COL5A1: variants seen among roughly 807,000 people sequenced by gnomAD.
COL5A1 encodes the protein collagen alpha-1(V) chain.
COL5A1 carries 16 observed loss-of-function variants against 263.7 expected under a neutral mutation model. That is an observed-to-expected ratio of 0.06 (90% CI 0.04 to 0.09). The LOEUF (loss-of-function observed/expected upper bound fraction) is 0.09, where lower values mean the gene tolerates loss of function less well. Among genes scored for constraint, COL5A1 ranks in the 10% least tolerant of loss-of-function variants. COL5A1 has a pLI of 1.00. For missense variants in COL5A1, 2,036 were observed against 2,540.5 expected, an observed-to-expected ratio of 0.80 and a Z score of 4.27; for synonymous variants, 1,012 against 1,004.5, an observed-to-expected ratio of 1.01 and a Z score of -0.14.
chr9:134,688,740 G>A (rs1214911856), intron 1 of COL5A1, among the ~76,000 whole-genome samples: 1 of 152,190 alleles, frequency 6.6e-6, no homozygotes, highest in Non-Finnish European at 1.5e-5. Flanking sequence ...GCTTCTCCAT[G>A]TTTCTGGCTT....
At chr9:134,760,920 C>T (rs978633525) in intron 18 of COL5A1, among the ~76,000 whole-genome samples, 10 of 146,414 alleles carry the variant, frequency 6.8e-5, no homozygotes, top group South Asian at 6.7e-4. Flanking sequence ...CACACACACA[C>T]GTACACACAT....
chr9:134,809,161 T>C (rs773384397), intron 42 of COL5A1, 22 bp from the exon 43 acceptor site: 1 of 1,550,966 alleles, frequency 6.4e-7, no homozygotes, highest in South Asian at 1.2e-5. Context: ...ACGTTTGACC[T>C]GAGATCTTCT....
intron 2 of COL5A1, among the ~76,000 whole-genome samples, chr9:134,695,972 C>T (rs192238151): frequency 6.6e-6 from 1 of 152,186 alleles, no homozygotes. Flanking sequence ...CCTCGGTGCC[C>T]CTGGATCCTG....
rs368564203 is a variant in COL5A1, at chr9:134,703,563, C to T, written c.654+2230C>T. 9.3e-4 allele frequency among the ~76,000 whole-genome samples: 141 copies of T among 151,958 alleles called. No homozygotes were observed. The Middle Eastern group carries it at 0.024, about 26-fold the overall frequency. On this transcript the variant is annotated intron_variant, in intron 4 of 65. Coordinates refer to ENST00000371817, the MANE Select transcript of COL5A1 (RefSeq NM_000093.5). ...GGGCACCTGCCAGAGTCACCCCCACCGCTGCCTGTTGTTCTGTGGGTCGAG... is the reference window on the plus strand; with the variant it reads ...GGGCACCTGCCAGAGTCACCCCCACTGCTGCCTGTTGTTCTGTGGGTCGAG...
Position 134,730,425 on chromosome 9 carries a change from G to A in COL5A1, c.1114G>A (p.Ala372Thr), listed in dbSNP as rs755289850. 55 of 1,613,974 alleles carry A rather than the reference G, an allele frequency of 3.4e-5. No individual in the cohort carries two copies. The highest frequency in any genetic ancestry group is 2.8e-4 in the African/African-American group (21 of 74,940). Residue 372 changes from alanine (A) to threonine (T), a missense_variant, in exon 7 of 66, where the codon GCT becomes ACT. Around this residue, in one of 3 missense-constraint regions of COL5A1, gnomAD observed 600 missense variants for 634.5 expected, o/e 0.95. Transcript: ENST00000371817. Reference sequence around the variant, plus strand: ...CCCCGACCAGCCCACAGACCCAGGCGCTGGGGCCGAAATTCCCACCAGCAC... The same window carrying A: ...CCCCGACCAGCCCACAGACCCAGGCACTGGGGCCGAAATTCCCACCAGCAC... ...ENPDQPTDPG[A>T]GAEIPTSTAD... is the part of the protein sequence containing the mutation.
At chr9:134,779,142 C>T (rs557350933) in intron 27 of COL5A1, among the ~76,000 whole-genome samples, 636 of 152,380 alleles carry the variant, frequency 4.2e-3, no homozygotes, top group African/African-American at 0.014. Flanking sequence ...GCCTGGAATC[C>T]CGGTGCCGGG....
intron 1 of COL5A1, among the ~76,000 whole-genome samples, chr9:134,666,044 G>T: frequency 6.6e-6 from 1 of 151,910 alleles, no homozygotes; most frequent in East Asian, 1.9e-4. Context: ...CCGAGATCGC[G>T]CCACTGCACT....
rs139468527 is a variant in COL5A1, at chr9:134,690,995, C to T, written c.193C>T (p.Arg65Trp). Residue 65 changes from arginine (R) to tryptophan (W), a missense_variant, in exon 2 of 66, where the codon CGG becomes TGG. By Grantham distance (101) the Arg-to-Trp change is moderately radical (BLOSUM62 -3). This residue lies in a region of COL5A1 where 600 missense variants were observed against 634.5 expected (regional missense o/e 0.95). Coordinates refer to ENST00000371817, the MANE Select transcript of COL5A1 (RefSeq NM_000093.5). Reference sequence around the variant, plus strand: ...AAAGACAACAGGCTTTTGCGCCACGCGGCGATCTTCCAAAGGCCCGGATGT... The same window carrying T: ...AAAGACAACAGGCTTTTGCGCCACGTGGCGATCTTCCAAAGGCCCGGATGT... ...ITKTTGFCAT[R>W]RSSKGPDVAY... The T allele has an allele frequency of 1.6e-3, 2,634 of 1,613,832 alleles. 13 individuals carry two copies. Among genetic ancestry groups the T allele is most frequent in the South Asian group, 6.2e-3 (562 of 91,092 alleles).
Position 134,757,583 on chromosome 9 carries a change from C to T in COL5A1, c.1882-660C>T, listed in dbSNP as rs1028175413. ...CGTCAGTCCCAAGCTAGTGAGGTGG[C>T]CTGGGGTGACAGGAGGAAACGCAGT... On this transcript the variant is annotated intron_variant, in intron 17 of 65. Transcript: ENST00000371817. This position sits in a 1 kb window ranked among gnomAD's most constrained non-coding sequence, Gnocchi z 6.2. Among the ~76,000 whole-genome samples, 1 of 152,204 alleles carries T rather than the reference C, an allele frequency of 6.6e-6. No homozygotes were observed. Among genetic ancestry groups the T allele is most frequent in the East Asian group, 1.9e-4 (1 of 5,188 alleles).
intron 26 of COL5A1, among the ~76,000 whole-genome samples, chr9:134,773,484 C>T (rs1440508466): frequency 1.3e-5 from 2 of 152,174 alleles, no homozygotes; most frequent in African/African-American, 4.8e-5. Flanking sequence ...CCCAAGACTG[C>T]TTTTCTTGTG....
rs1400424598 is a variant in COL5A1 at position 134,728,724 on chromosome 9, G to A, written c.841G>A (p.Glu281Lys). ...CTATTACTACGAATACCCCTACTAC[G>A]AAGACCCCGAAGACCTAGGGAAGGA... ...ETYYYEYPYY[E>K]DPEDLGKEPT... Residue 281 changes from glutamate to lysine, a missense_variant, in exon 6 of 66, where the codon GAA (glutamate) becomes AAA (lysine). By Grantham distance (56) the Glu-to-Lys change is moderately conservative (BLOSUM62 1). Transcript: ENST00000371817. 13 of 1,614,050 alleles carry A rather than the reference G, an allele frequency of 8.1e-6. No homozygotes were observed. Among genetic ancestry groups the A allele is most frequent in the Admixed American group, 1.7e-5 (1 of 60,010 alleles).
intron 18 of COL5A1, among the ~76,000 whole-genome samples, chr9:134,759,589 TG>T (rs1836180611): frequency 4.4e-5 from 2 of 45,104 alleles, no homozygotes; most frequent in South Asian, 8.0e-4. Flanking sequence ...CCCCCACACA[TG>T]CATACACCCC....
intron 61 of COL5A1, 123 bp downstream of exon 61, chr9:134,823,592 G>C: frequency 9.5e-7 from 1 of 1,054,836 alleles, no homozygotes; most frequent in Non-Finnish European, 1.4e-6. Flanking sequence ...GGCATGCCCG[G>C]GCCTTGTCCC....
intron 20 of COL5A1, among the ~76,000 whole-genome samples, chr9:134,764,259 G>T (rs1415349258): frequency 1.5e-5 from 2 of 132,690 alleles, no homozygotes; most frequent in Non-Finnish European, 3.2e-5. Context: ...ACCATAGGGG[G>T]TCCGAGGGCA....
intron 53 of COL5A1, among the ~76,000 whole-genome samples, chr9:134,817,318 T>C (rs1034371945): frequency 1.3e-5 from 2 of 152,204 alleles, no homozygotes; most frequent in Non-Finnish European, 2.9e-5. Flanking sequence ...GTGATATCCA[T>C]GGTGGGAGAA....
chr9:134,836,964 AAG>A (rs1839872844), intron 65 of COL5A1, among the ~76,000 whole-genome samples: 2 of 152,218 alleles, frequency 1.3e-5, no homozygotes, highest in South Asian at 4.1e-4. Flanking sequence ...GATCCCTGGA[AAG>A]AGGCATTTAA....
chr9:134,759,663 TGC>T (rs1836191879), intron 18 of COL5A1, among the ~76,000 whole-genome samples: 2 of 70,030 alleles, frequency 2.9e-5, no homozygotes, highest in East Asian at 6.2e-4. Flanking sequence ...CACATACGCA[TGC>T]ACACCCCCAC....
rs115146061 is a variant in COL5A1, at chr9:134,700,840, G to C, written c.492-331G>C. 2.0e-5 allele frequency among the ~76,000 whole-genome samples: 3 copies of C among 151,894 alleles called. No individual in the cohort carries two copies. In the East Asian group the frequency reaches 5.8e-4, roughly 29 times the overall value. ...GCTGTGACCGCACCGCAGGGACCAC[G>C]CTCCCAGGGACCACACTCCTGGGTC... is the stretch of plus-strand genomic sequence containing the variant. On this transcript the variant is annotated intron_variant, in intron 3 of 65. Transcript: ENST00000371817. The surrounding 1 kb of genome is among the most constrained non-coding windows in gnomAD (Gnocchi z 4.0).
chr9:134,742,278 G>A lies in COL5A1; in HGVS notation c.1494+3470G>A, dbSNP rs1011105585. Among the ~76,000 whole-genome samples the A allele has an allele frequency of 2.7e-5, 4 of 150,882 alleles. No individual in the cohort carries two copies. The South Asian group carries it at 8.4e-4, about 32-fold the overall frequency. Reference sequence around the variant, plus strand: ...GCAGAGTGCAAGGAGAGGCACAGAAGTGGGGCCTGCCTTAAGAAACTCACC... The same window carrying A: ...GCAGAGTGCAAGGAGAGGCACAGAAATGGGGCCTGCCTTAAGAAACTCACC... On this transcript the variant is annotated intron_variant, in intron 11 of 65. Coordinates refer to ENST00000371817, the MANE Select transcript of COL5A1 (RefSeq NM_000093.5). This position sits in a 1 kb window ranked among gnomAD's most constrained non-coding sequence, Gnocchi z 4.6.
Sources: allele counts gnomAD v4.1 joint callset (sites outside exome capture counted in the v4.1 genomes callset), GRCh38; gene constraint gnomAD v4.1.1; regional missense constraint gnomAD v4.1.1; non-coding constraint Gnocchi (gnomAD v3.1); transcripts MANE v1.5; gene names NCBI Gene and HGNC (gene_info 2026-07-23, HGNC 2026-07-21).